NKAIN2: variants seen among roughly 807,000 people sequenced by gnomAD.
NKAIN2 encodes sodium/potassium transporting ATPase interacting 2.
A neutral mutation model predicts 32.6 loss-of-function variants in NKAIN2; 14 were observed. That is an observed-to-expected ratio of 0.43 (90% confidence interval 0.28 to 0.67). The LOEUF is 0.67. Among genes scored for constraint, NKAIN2 ranks in the 30% least tolerant of loss-of-function variants. The pLI, the probability that NKAIN2 is intolerant of heterozygous loss-of-function variation, is 0.17. For synonymous variants in NKAIN2, 80 were observed against 87.2 expected, an observed-to-expected ratio of 0.92 and a Z score of 0.46; for missense variants, 198 against 258.3, an observed-to-expected ratio of 0.77 and a Z score of 1.60.
intron 3 of NKAIN2, among the ~76,000 whole-genome samples, chr6:124,591,446 TA>T (rs1781908902): frequency 1.3e-5 from 2 of 152,012 alleles, no homozygotes; most frequent in South Asian, 4.2e-4. Context: ...TTCAAACCAG[TA>T]TGTTCTTTTG....
intron 5 of NKAIN2, among the ~76,000 whole-genome samples, chr6:124,796,088 C>T (rs982213851): frequency 6.6e-6 from 1 of 152,062 alleles, no homozygotes; most frequent in South Asian, 2.1e-4. Flanking sequence ...CTGTACCTAC[C>T]AGGGGATGAC....
At chr6:123,933,276 T>G (rs1053462176) in intron 1 of NKAIN2, among the ~76,000 whole-genome samples, 1 of 152,246 alleles carries the variant, frequency 6.6e-6, no homozygotes, top group African/African-American at 2.4e-5. Context: ...ATTTAAATTT[T>G]AAATTGTTAA....
rs568414446 is a variant in NKAIN2 at position 124,707,131 on chromosome 6, A to T, written c.474+48745A>T. Among the ~76,000 whole-genome samples, 36 of 151,858 alleles carry T rather than the reference A, an allele frequency of 2.4e-4. No individual in the cohort carries two copies. The East Asian group carries it at 3.9e-3, about 16-fold the overall frequency. ...TTGCGATAGTTTACTGAGAATGATGATTTCTAATTTCATCCATGTCCCTAC... is the reference window on the plus strand; with the variant it reads ...TTGCGATAGTTTACTGAGAATGATGTTTTCTAATTTCATCCATGTCCCTAC... On this transcript the variant is annotated intron_variant, in intron 4 of 6. Transcript: ENST00000368417.
At chr6:124,143,030 A>G (rs1025402156) in intron 1 of NKAIN2, among the ~76,000 whole-genome samples, 2 of 152,224 alleles carry the variant, frequency 1.3e-5, no homozygotes. Context: ...ATTTTATCTC[A>G]TTTGAACTGT....
intron 3 of NKAIN2, among the ~76,000 whole-genome samples, chr6:124,451,859 G>T (rs1259080540): frequency 6.6e-6 from 1 of 151,986 alleles, no homozygotes; most frequent in Non-Finnish European, 1.5e-5. Flanking sequence ...CTCTGTTGTG[G>T]ATGTGATAAG....
chr6:124,238,312 C>G (rs1396162722), intron 1 of NKAIN2, among the ~76,000 whole-genome samples: 3 of 151,990 alleles, frequency 2.0e-5, no homozygotes, highest in Non-Finnish European at 4.4e-5. Context: ...TAATCTTATA[C>G]TTTTTAATGT....
At chr6:124,189,905 A>G (rs1265403735) in intron 1 of NKAIN2, among the ~76,000 whole-genome samples, 3 of 152,194 alleles carry the variant, frequency 2.0e-5, no homozygotes, top group Admixed American at 2.0e-4. Context: ...CCTTCATTTT[A>G]TAGACATTTG....
chr6:124,537,567 T>C (rs1779762312), intron 3 of NKAIN2, among the ~76,000 whole-genome samples: 1 of 152,216 alleles, frequency 6.6e-6, no homozygotes, highest in Non-Finnish European at 1.5e-5. Context: ...CTTTAGGTGT[T>C]AAAACAGGTT....
chr6:124,198,712 A>C (rs1460248971), intron 1 of NKAIN2, among the ~76,000 whole-genome samples: 2 of 151,950 alleles, frequency 1.3e-5, no homozygotes, highest in African/African-American at 4.8e-5. Context: ...TGTGTTCCCC[A>C]CAGCTGCTCA....
chr6:124,787,298 A>G (rs866108671), intron 4 of NKAIN2, among the ~76,000 whole-genome samples: 58 of 152,278 alleles, frequency 3.8e-4, no homozygotes, highest in Admixed American at 1.6e-3. Context: ...ACAAACCTAC[A>G]TATGAACCCT....
intron 1 of NKAIN2, among the ~76,000 whole-genome samples, chr6:123,916,885 C>G (rs1050981543): frequency 1.9e-4 from 29 of 152,010 alleles, no homozygotes; most frequent in African/African-American, 6.3e-4. Context: ...ACCTACCTAC[C>G]TCTCTCTGTA....
chr6:124,448,810 T>C (rs1260382688), intron 3 of NKAIN2, among the ~76,000 whole-genome samples: 1 of 152,150 alleles, frequency 6.6e-6, no homozygotes, highest in African/African-American at 2.4e-5. Flanking sequence ...ATTCTGCCTA[T>C]GTATAGTGAA....
chr6:124,697,945 T>C (rs190529611), intron 4 of NKAIN2, among the ~76,000 whole-genome samples: 205 of 152,184 alleles, frequency 1.3e-3, no homozygotes, highest in Admixed American at 2.0e-3. Flanking sequence ...CATTCAGAAG[T>C]CTTAGTTTGA....
rs79710130 is a variant in NKAIN2, at chr6:124,479,963, A to G, written c.273+124616A>G. 3.3e-3 allele frequency among the ~76,000 whole-genome samples: 496 copies of G among 152,322 alleles called. 21 individuals carry two copies. The East Asian group carries it at 0.081, about 25-fold the overall frequency. The stretch of plus-strand genomic sequence containing the variant: ...AACAAAAAGCCTAAGAGAAAACTTT[A>G]CACTTCTTAGATGGAATCACAGCTG... On this transcript the variant is annotated intron_variant, in intron 3 of 6. Coordinates refer to ENST00000368417, the MANE Select transcript of NKAIN2 (RefSeq NM_001040214.3).
chr6:124,774,878 A>G (rs968896103), intron 4 of NKAIN2, among the ~76,000 whole-genome samples: 14 of 148,532 alleles, frequency 9.4e-5, no homozygotes, highest in African/African-American at 3.5e-4. Context: ...AAAAAAAAAG[A>G]TACTGTCAAC....
chr6:124,040,629 C>T (rs1470634495), intron 1 of NKAIN2, among the ~76,000 whole-genome samples: 2 of 151,866 alleles, frequency 1.3e-5, no homozygotes, highest in Non-Finnish European at 2.9e-5. Flanking sequence ...TGTGCTAAGC[C>T]TTTGCTTGAT....
At chr6:124,557,563 CA>C (rs1384944299) in intron 3 of NKAIN2, among the ~76,000 whole-genome samples, 2 of 152,108 alleles carry the variant, frequency 1.3e-5, no homozygotes, top group African/African-American at 2.4e-5. Flanking sequence ...TCCCTATAGA[CA>C]ATACAGAACC....
rs1012956391 is a variant in NKAIN2, at chr6:124,784,366, G to T, written c.475-6973G>T. ...AGGATCCCGTATATTGCCTTTTTAC[G>T]GCCACATTCACTTCCTTCTAACCCA... On this transcript the variant is annotated intron_variant, in intron 4 of 6. Transcript: ENST00000368417. Among the ~76,000 whole-genome samples, 13 of 152,020 alleles carry T rather than the reference G, an allele frequency of 8.6e-5. 2 individuals are homozygous for T. The highest frequency in any genetic ancestry group is 7.9e-4 in the Admixed American group (12 of 15,258).
chr6:124,361,796 A>G (rs184890726), intron 3 of NKAIN2, among the ~76,000 whole-genome samples: 2 of 152,252 alleles, frequency 1.3e-5, no homozygotes, highest in Non-Finnish European at 2.9e-5. Context: ...ACTGTAGACT[A>G]TAGGGAACAA....
Sources: allele counts gnomAD v4.1 joint callset (sites outside exome capture counted in the v4.1 genomes callset), GRCh38; gene constraint gnomAD v4.1.1; transcripts MANE v1.5; gene names NCBI Gene and HGNC (gene_info 2026-07-23, HGNC 2026-07-21).